Variants in RSPRY1 observed in about 807,000 individuals in gnomAD.
The protein encoded by RSPRY1 is RING finger and SPRY domain-containing protein 1.
A neutral mutation model predicts 73.1 loss-of-function variants in RSPRY1; 23 were observed. The observed-to-expected ratio is 0.31, with a 90% CI of 0.23 to 0.45. The LOEUF (loss-of-function observed/expected upper bound fraction) is 0.45. Ranked by LOEUF, RSPRY1 falls within the 20% of genes least tolerant of loss-of-function variation. RSPRY1 has a pLI of 1.00. For missense variants in RSPRY1, 448 were observed against 698.7 expected (o/e 0.64, Z 4.05); for synonymous variants, 226 against 251.4 (o/e 0.90, Z 0.95).
rs186198571 is a variant in RSPRY1 at position 57,233,791 on chromosome 16, C to G, written c.1530-1333C>G. Among the ~76,000 whole-genome samples the G allele has an allele frequency of 1.5e-4, 23 of 152,272 alleles. No homozygotes were observed. In the East Asian group the frequency reaches 3.5e-3, roughly 23 times the overall value. ...CCCTCAGCAAATCCAGTAGGCTGTGCCTTCAGAATATATCCAAAATCCAAC... is the reference window on the plus strand; with the variant it reads ...CCCTCAGCAAATCCAGTAGGCTGTGGCTTCAGAATATATCCAAAATCCAAC... On this transcript the variant is annotated intron_variant, in intron 13 of 14. Transcript: ENST00000394420.
intron 10 of RSPRY1, 100 bp downstream of exon 10, chr16:57,221,515 C>G: frequency 1.6e-6 from 2 of 1,290,274 alleles, no homozygotes; most frequent in Admixed American, 2.3e-5. Context: ...TAGATTTGCT[C>G]AATAATCTTT....
At chr16:57,216,518 G>T (rs999487387) in intron 7 of RSPRY1, 2 of 328,074 alleles carry the variant, frequency 6.1e-6, no homozygotes, top group East Asian at 1.3e-4. Context: ...AGGAATTCGA[G>T]ACCAGGGTGG....
At chr16:57,236,880 T>C (rs1485547742) in intron 14 of RSPRY1, among the ~76,000 whole-genome samples, 2 of 151,992 alleles carry the variant, frequency 1.3e-5, no homozygotes, top group East Asian at 3.9e-4. Flanking sequence ...ATTACAGAAA[T>C]CTTAGGCTGG....
At chr16:57,193,648 G>C (rs1174313634) in intron 1 of RSPRY1, among the ~76,000 whole-genome samples, 19 of 152,004 alleles carry the variant, frequency 1.2e-4, no homozygotes, top group Admixed American at 2.6e-4. Context: ...ACACGCCACT[G>C]TGCCTGGCTA....
At position 57,221,399 on chromosome 16, in the gene RSPRY1, G is replaced by C. The variant is rs1466934004; in HGVS notation, c.1145G>C (p.Ser382Thr). 6.2e-7 allele frequency: 1 copy of C among 1,613,622 alleles called. No individual in the cohort carries two copies. The highest frequency in any genetic ancestry group is 8.5e-7 in the Non-Finnish European group (1 of 1,179,792). The change falls in exon 10 of 15, where the codon AGC becomes ACC. Residue 382 changes from serine (S) to threonine (T), a missense_variant. Coordinates refer to ENST00000394420, the MANE Select transcript of RSPRY1 (RefSeq NM_133368.3). ...CAGATTGGCTGGGCCACTCGAGACA[G>C]CAAATTCCTCAATCATGTGAGTACC... The part of the protein sequence containing the change: ...VMQIGWATRD[S>T]KFLNHEGYGI...
At chr16:57,209,513 G>A (rs1454634138) in intron 4 of RSPRY1, among the ~76,000 whole-genome samples, 14 of 151,924 alleles carry the variant, frequency 9.2e-5, no homozygotes, top group South Asian at 8.3e-4. Context: ...ACAGGCACCC[G>A]CCACCACACC....
intron 1 of RSPRY1, among the ~76,000 whole-genome samples, chr16:57,198,398 G>A (rs2074492958): frequency 6.7e-6 from 1 of 149,938 alleles, no homozygotes; most frequent in South Asian, 2.1e-4. Context: ...AAAAAAAATT[G>A]TACTAAATGG....
chr16:57,209,266 T>C (rs2074788349), intron 4 of RSPRY1, 79 bp downstream of exon 4: 1 of 930,082 alleles, frequency 1.1e-6, no homozygotes, highest in South Asian at 1.5e-5. Context: ...ACATTTGATG[T>C]ATTGTGTTTC....
intron 8 of RSPRY1, among the ~76,000 whole-genome samples, chr16:57,218,720 CTTTTTTTTTTTTTTT>C (rs869295634): frequency 3.9e-4 from 16 of 41,132 alleles, no homozygotes; most frequent in East Asian, 1.6e-3. Flanking sequence ...GCCACATTTT[CTTTTTTTTTTTTTTT>C]TTTTTTTTTT....
intron 10 of RSPRY1, among the ~76,000 whole-genome samples, chr16:57,223,468 C>T (rs1214776373): frequency 6.6e-6 from 1 of 152,178 alleles, no homozygotes; most frequent in Middle Eastern, 3.2e-3. Context: ...AGGGTGTACT[C>T]TGATTTATCT....
At chr16:57,230,676 T>C (rs2075201811) in intron 11 of RSPRY1, 35 bp from the exon 12 acceptor site, 1 of 1,191,360 alleles carries the variant, frequency 8.4e-7, no homozygotes, top group South Asian at 1.2e-5. Flanking sequence ...GTAGTACACA[T>C]CATTATCCTA....
At position 57,238,935 on chromosome 16, in the gene RSPRY1, A is replaced by G. The variant is rs764281987; in HGVS notation, c.1691A>G (p.Glu564Gly). The G allele has an allele frequency of 3.7e-6, 6 of 1,610,138 alleles. No homozygotes were observed. Among genetic ancestry groups the G allele is most frequent in the Non-Finnish European group, 5.1e-6 (6 of 1,177,570 alleles). ...GAGACCTGCCCATTGTGTCGTAAAG[A>G]AATAGTATCTAGAATCAGACAGATT... Reference protein sequence around the residue: ...QLETCPLCRKEIVSRIRQISH... With the variant: ...QLETCPLCRKGIVSRIRQISH... The change falls in exon 15 of 15, where the codon GAA becomes GGA. Residue 564 changes from glutamate to glycine, a missense_variant. Glu to Gly is a moderately conservative substitution (Grantham distance 98). Transcript: ENST00000394420.
chr16:57,203,830 G>A (rs1357015726), intron 1 of RSPRY1, among the ~76,000 whole-genome samples: 1 of 152,192 alleles, frequency 6.6e-6, no homozygotes, highest in Non-Finnish European at 1.5e-5. Flanking sequence ...ACTGATCATT[G>A]TGAAAATACA....
intron 1 of RSPRY1, among the ~76,000 whole-genome samples, chr16:57,204,278 A>G (rs539666166): frequency 3.3e-5 from 5 of 152,350 alleles, no homozygotes; most frequent in Admixed American, 1.3e-4. Flanking sequence ...GGTCTATAAG[A>G]ATATGGTTTG....
intron 8 of RSPRY1, among the ~76,000 whole-genome samples, chr16:57,217,537 G>A (rs1346623116): frequency 6.6e-6 from 1 of 152,126 alleles, no homozygotes; most frequent in Non-Finnish European, 1.5e-5. Context: ...ACTATAGGTT[G>A]AGTTTCTCTT....
chr16:57,220,597 G>T, intron 8 of RSPRY1, 135 bp from the exon 9 acceptor site: 1 of 513,226 alleles, frequency 1.9e-6, no homozygotes, highest in South Asian at 2.8e-5. Flanking sequence ...CACAAACATG[G>T]ATAATTTGAC....
intron 4 of RSPRY1, among the ~76,000 whole-genome samples, chr16:57,211,142 A>C (rs1452604825): frequency 6.6e-6 from 1 of 152,172 alleles, no homozygotes; most frequent in African/African-American, 2.4e-5. Flanking sequence ...TAAGAGGAAA[A>C]ACTGGGCTGA....
At chr16:57,221,859 G>A (rs2075042483) in intron 10 of RSPRY1, among the ~76,000 whole-genome samples, 1 of 152,144 alleles carries the variant, frequency 6.6e-6, no homozygotes, top group Non-Finnish European at 1.5e-5. Flanking sequence ...TAATTAGTTG[G>A]CATATTTTTC....
intron 8 of RSPRY1, among the ~76,000 whole-genome samples, chr16:57,217,399 A>T (rs2074958692): frequency 6.6e-6 from 1 of 152,052 alleles, no homozygotes; most frequent in Admixed American, 6.6e-5. Flanking sequence ...CTCACTTGGA[A>T]TTCCCTCTTT....
Sources: allele counts gnomAD v4.1 joint callset (sites outside exome capture counted in the v4.1 genomes callset), GRCh38; gene constraint gnomAD v4.1.1; transcripts MANE v1.5; gene names NCBI Gene and HGNC (gene_info 2026-07-23, HGNC 2026-07-21).